Variants in EYA1 observed in about 807,000 individuals in gnomAD.
EYA1 encodes the protein EYA transcriptional coactivator and phosphatase 1.
A neutral mutation model predicts 82.0 loss-of-function variants in EYA1; 16 were observed. The ratio of observed to expected loss-of-function variants is 0.20; its 90% CI spans 0.13 to 0.30. The LOEUF (loss-of-function observed/expected upper bound fraction) is 0.30. EYA1 is among the 10% of genes least tolerant of loss of function. EYA1 has a pLI of 1.00. For synonymous variants in EYA1, 261 were observed against 264.4 expected, an observed-to-expected ratio of 0.99 and a Z score of 0.12; for missense variants, 633 against 730.7, an observed-to-expected ratio of 0.87 and a Z score of 1.54.
At chr8:71,473,430 C>T (rs1422726776) in intron 2 of EYA1, among the ~76,000 whole-genome samples, 2 of 151,292 alleles carry the variant, frequency 1.3e-5, no homozygotes, top group African/African-American at 4.8e-5. Flanking sequence ...ATTTATGTGG[C>T]CAAAAAACAT....
chr8:71,222,061 A>T (rs779810580), intron 12 of EYA1, among the ~76,000 whole-genome samples: 2 of 152,162 alleles, frequency 1.3e-5, no homozygotes, highest in Non-Finnish European at 2.9e-5. Context: ...TTCCAAGTGC[A>T]GTTTCCTTTT....
At chr8:71,546,966 C>T (rs1273247916) in intron 1 of EYA1, among the ~76,000 whole-genome samples, 1 of 152,184 alleles carries the variant, frequency 6.6e-6, no homozygotes, top group Non-Finnish European at 1.5e-5. Flanking sequence ...GCCTTAATTA[C>T]CATAAAGAAA....
At chr8:71,514,419 G>T (rs1371276686) in intron 2 of EYA1, among the ~76,000 whole-genome samples, 1 of 151,986 alleles carries the variant, frequency 6.6e-6, no homozygotes, top group African/African-American at 2.4e-5. Flanking sequence ...TATGCATCAA[G>T]AAAAGTCTGG....
intron 2 of EYA1, among the ~76,000 whole-genome samples, chr8:71,378,087 T>G (rs115711316): frequency 0.031 from 4,768 of 152,178 alleles, 254 homozygotes; most frequent in African/African-American, 0.11. Context: ...ACCACAGAGA[T>G]GCAAGTGGTA....
intron 2 of EYA1, among the ~76,000 whole-genome samples, chr8:71,477,886 A>T (rs1215648615): frequency 6.6e-6 from 1 of 152,210 alleles, no homozygotes; most frequent in Non-Finnish European, 1.5e-5. Flanking sequence ...ATGGAATATT[A>T]TTCAGCCATA....
intron 4 of EYA1, among the ~76,000 whole-genome samples, chr8:71,333,458 A>C (rs1315061925): frequency 6.6e-6 from 1 of 152,200 alleles, no homozygotes; most frequent in Non-Finnish European, 1.5e-5. Context: ...TTTTTAAATG[A>C]AATATTCCAA....
intron 2 of EYA1, among the ~76,000 whole-genome samples, chr8:71,521,834 TTAGA>T (rs1031465772): frequency 1.3e-4 from 20 of 152,266 alleles, no homozygotes; most frequent in African/African-American, 2.4e-4. Flanking sequence ...AAGTAATCAG[TTAGA>T]TAGCCCATTT....
At chr8:71,315,013 G>A (rs1189472093) in intron 7 of EYA1, among the ~76,000 whole-genome samples, 2 of 151,898 alleles carry the variant, frequency 1.3e-5, no homozygotes, top group African/African-American at 2.4e-5. Flanking sequence ...ATACTGTAAT[G>A]GCTGGTTTGT....
At chr8:71,484,130 G>A (rs1199098264) in intron 2 of EYA1, among the ~76,000 whole-genome samples, 1 of 152,164 alleles carries the variant, frequency 6.6e-6, no homozygotes, top group African/African-American at 2.4e-5. Context: ...TGTACAACTG[G>A]ATTACCCACA....
chr8:71,378,816 T>C (rs1423372614), intron 2 of EYA1, among the ~76,000 whole-genome samples: 1 of 152,208 alleles, frequency 6.6e-6, no homozygotes, highest in Non-Finnish European at 1.5e-5. Flanking sequence ...AAAAATTTGG[T>C]TAAGTGATGC....
chr8:71,407,221 T>G (rs1830302287), intron 2 of EYA1, among the ~76,000 whole-genome samples: 2 of 146,794 alleles, frequency 1.4e-5, no homozygotes, highest in South Asian at 4.5e-4. Context: ...AAAACCCATC[T>G]GTACATCACC....
chr8:71,442,397 T>C (rs1319310633), intron 2 of EYA1, among the ~76,000 whole-genome samples: 1 of 152,230 alleles, frequency 6.6e-6, no homozygotes, highest in Non-Finnish European at 1.5e-5. Flanking sequence ...TTCTTGTTTG[T>C]ATATGCTGTC....
At chr8:71,334,325 C>G in intron 3 of EYA1, 151 bp from the exon 4 acceptor site, 2 of 723,194 alleles carry the variant, frequency 2.8e-6, no homozygotes, top group East Asian at 5.2e-5. Flanking sequence ...TAAATAGACT[C>G]CTTTTAAAAA....
intron 12 of EYA1, among the ~76,000 whole-genome samples, chr8:71,236,602 T>C (rs1392690042): frequency 1.3e-5 from 2 of 152,316 alleles, no homozygotes; most frequent in Non-Finnish European, 2.9e-5. Context: ...TGAGTGGATT[T>C]CTGGAAAGTG....
intron 2 of EYA1, among the ~76,000 whole-genome samples, chr8:71,400,530 G>A (rs1454380042): frequency 2.1e-5 from 3 of 141,464 alleles, no homozygotes; most frequent in African/African-American, 7.6e-5. Flanking sequence ...CAACAGACAT[G>A]AAAAAAGCAC....
In EYA1 at chr8:71,361,723, CAT is replaced by C. The variant is rs1230551126; in HGVS notation, c.-133_-132del. On this transcript the variant is annotated 5_prime_UTR_variant, in exon 1 of 18. An upstream start codon of the reference 5' UTR is lost. Coordinates refer to ENST00000340726, the MANE Select transcript of EYA1 (RefSeq NM_000503.6). Reference sequence around the variant, plus strand: ...TGGGTTAGCAAACCTCCATTCCTGACATAGTTTTGCTCCTGGATGGGTACGCG... The same window carrying C: ...TGGGTTAGCAAACCTCCATTCCTGACAGTTTTGCTCCTGGATGGGTACGCG... 2 of 985,368 alleles carry C rather than the reference CAT, an allele frequency of 2.0e-6. No individual in the cohort carries two copies. The highest frequency in any genetic ancestry group is 2.4e-6 in the Non-Finnish European group (2 of 830,004). The allele number at this position is 985,368 out of a possible 1,614,324, so 61.0% of individuals were successfully genotyped here. A position where few individuals can be genotyped will look rare whatever the true frequency, so the allele number is the denominator to read the frequency against.
intron 17 of EYA1, chr8:71,200,269 A>C (rs1806807195): frequency 1.3e-5 from 2 of 152,264 alleles, no homozygotes; most frequent in African/African-American, 4.8e-5. Flanking sequence ...TGGTGCCTGG[A>C]GTATAATTTG....
chr8:71,213,083 T>A (rs1176574881), intron 16 of EYA1, among the ~76,000 whole-genome samples: 1 of 151,760 alleles, frequency 6.6e-6, no homozygotes, highest in African/African-American at 2.4e-5. Context: ...AAAAAAAAAA[T>A]TGCTGGGTTT....
intron 2 of EYA1, among the ~76,000 whole-genome samples, chr8:71,464,045 C>T (rs760830760): frequency 1.2e-4 from 18 of 152,140 alleles, no homozygotes; most frequent in Non-Finnish European, 2.5e-4. Context: ...ACCCACTAAA[C>T]AGATTTTCCT....
Sources: allele counts gnomAD v4.1 joint callset (sites outside exome capture counted in the v4.1 genomes callset), GRCh38; gene constraint gnomAD v4.1.1; transcripts MANE v1.5; gene names NCBI Gene and HGNC (gene_info 2026-07-23, HGNC 2026-07-21).